Variants in TNS1 observed in about 807,000 individuals in gnomAD.
The protein encoded by TNS1 is tensin 1, also known as tensin-1.
A neutral mutation model predicts 168.6 loss-of-function variants in TNS1; 62 were observed. The observed-to-expected ratio is 0.37, with a 90% confidence interval of 0.30 to 0.45. The LOEUF (loss-of-function observed/expected upper bound fraction) is 0.45. Among genes scored for constraint, TNS1 ranks in the 20% least tolerant of loss-of-function variants. The pLI, the probability that TNS1 is intolerant of heterozygous loss-of-function variation, is 1.00. For synonymous variants in TNS1, 934 were observed against 933.2 expected, an observed-to-expected ratio of 1.00 and a Z score of -0.02; for missense variants, 2,240 against 2,339.4, an observed-to-expected ratio of 0.96 and a Z score of 0.88.
At chr2:217,879,183 G>A (rs374873004) in intron 18 of TNS1, 14 of 276,384 alleles carry the variant, frequency 5.1e-5, no homozygotes, top group Non-Finnish European at 9.3e-5. Flanking sequence ...CCTCCTCACC[G>A]TTAATTATTT....
At chr2:217,894,759 C>T (rs1952101285) in intron 9 of TNS1, among the ~76,000 whole-genome samples, 1 of 152,212 alleles carries the variant, frequency 6.6e-6, no homozygotes, top group South Asian at 2.1e-4. Context: ...CAACTCCAGC[C>T]TCACCCAAGT....
chr2:217,913,037 C>T (rs947636389), intron 4 of TNS1, among the ~76,000 whole-genome samples: 2 of 152,158 alleles, frequency 1.3e-5, no homozygotes, highest in African/African-American at 4.8e-5. Flanking sequence ...GTCTGCACCT[C>T]CCAGAGCCCT....
At position 217,946,969 on chromosome 2, in the gene TNS1, T is replaced by TCACACACACA. The variant is rs372012573; in HGVS notation, c.187-26743_187-26734dup. ...CTCTCTCTCTCTCTCTCTCTCTCTC[T>TCACACACACA]CACACACACACACACACACACACAC... On this transcript the variant is annotated intron_variant, in intron 3 of 32. Coordinates refer to ENST00000682258, the MANE Select transcript of TNS1 (RefSeq NM_001387777.1). Among the ~76,000 whole-genome samples the TCACACACACA allele has an allele frequency of 5.1e-4, 61 of 118,868 alleles. 1 individual carries two copies. Among genetic ancestry groups the TCACACACACA allele is most frequent in the African/African-American group, 2.3e-3 (56 of 24,576 alleles). The allele number at this position is 118,868 out of a possible 152,430, so 78.0% of individuals were successfully genotyped here.
chr2:217,830,522 A>G (rs1485215210), intron 22 of TNS1: 7 of 1,073,852 alleles, frequency 6.5e-6, no homozygotes, highest in Non-Finnish European at 9.5e-6. Context: ...TCCCTCCACC[A>G]TAAGAAGGAG....
chr2:217,891,640 G>C (rs575450373), intron 11 of TNS1, among the ~76,000 whole-genome samples: 1 of 152,326 alleles, frequency 6.6e-6, no homozygotes, highest in South Asian at 2.1e-4. Flanking sequence ...GAAATGAAAA[G>C]ATCACGAAGC....
chr2:217,919,780 G>C (rs1368778411), intron 4 of TNS1, among the ~76,000 whole-genome samples: 1 of 152,192 alleles, frequency 6.6e-6, no homozygotes, highest in Admixed American at 6.5e-5. Flanking sequence ...GTCGCCTGTA[G>C]GGAAAAACTG....
At chr2:217,897,672 AG>A (rs765814017) in intron 8 of TNS1, 125 bp downstream of exon 8, 9 of 1,048,538 alleles carry the variant, frequency 8.6e-6, no homozygotes, top group African/African-American at 1.6e-5. Flanking sequence ...GGGGAAAGGC[AG>A]ATAAACAAAG....
At chr2:217,851,934 A>G (rs1947555682) in intron 18 of TNS1, among the ~76,000 whole-genome samples, 1 of 152,140 alleles carries the variant, frequency 6.6e-6, no homozygotes, top group African/African-American at 2.4e-5. Flanking sequence ...ACCTGAGGTC[A>G]GGAGTTGAAG....
intron 1 of TNS1, among the ~76,000 whole-genome samples, chr2:218,020,661 C>T (rs1230310559): frequency 6.6e-6 from 1 of 152,190 alleles, no homozygotes; most frequent in Non-Finnish European, 1.5e-5. Flanking sequence ...AGCTGTCATC[C>T]CTGACCCTGG....
chr2:217,905,329 C>T (rs1413105098), intron 6 of TNS1: 2 of 436,000 alleles, frequency 4.6e-6, no homozygotes, highest in Non-Finnish European at 9.3e-6. Context: ...ATTTAAGAGG[C>T]ATGCTCCCTG....
chr2:217,949,762 A>G lies in TNS1; in HGVS notation c.186+29003T>C, dbSNP rs1347286481. On this transcript the variant is annotated intron_variant, in intron 3 of 32. Transcript: ENST00000682258. Reference sequence around the variant, plus strand: ...AACAAAAAAAAAAGAAAAGAAAAGAAAAAAGCACAGGAAAAGCTAAGATGC... The same window carrying G: ...AACAAAAAAAAAAGAAAAGAAAAGAGAAAAGCACAGGAAAAGCTAAGATGC... 3.3e-5 allele frequency among the ~76,000 whole-genome samples: 5 copies of G among 152,344 alleles called. No individual in the cohort carries two copies. The South Asian group carries it at 8.3e-4, about 25-fold the overall frequency.
At chr2:217,830,339 T>A in intron 22 of TNS1, 1 of 1,613,932 alleles carries the variant, frequency 6.2e-7, no homozygotes, top group South Asian at 1.1e-5. Context: ...GCTTCATGGG[T>A]CACAAATGCA....
intron 2 of TNS1, among the ~76,000 whole-genome samples, chr2:217,982,404 T>C (rs1256510783): frequency 5.3e-5 from 8 of 150,654 alleles, no homozygotes; most frequent in Admixed American, 3.3e-4. Flanking sequence ...TCTTTTCTTT[T>C]TTTTTTTTTT....
chr2:217,858,218 AC>A (rs1948392767), intron 18 of TNS1, among the ~76,000 whole-genome samples: 1 of 151,702 alleles, frequency 6.6e-6, no homozygotes, highest in Non-Finnish European at 1.5e-5. Flanking sequence ...CGGCCCCCCC[AC>A]CAACCCAGAT....
At chr2:217,866,893 T>A (rs1300517646) in intron 18 of TNS1, among the ~76,000 whole-genome samples, 1 of 152,146 alleles carries the variant, frequency 6.6e-6, no homozygotes, top group Non-Finnish European at 1.5e-5. Flanking sequence ...TCCTATTCCC[T>A]AGGTTCTCAA....
intron 1 of TNS1, among the ~76,000 whole-genome samples, chr2:218,019,621 T>C (rs1363820889): frequency 6.6e-6 from 1 of 152,180 alleles, no homozygotes; most frequent in Non-Finnish European, 1.5e-5. Context: ...ACTTCCTCCT[T>C]CTGCAAGGGG....
intron 21 of TNS1, among the ~76,000 whole-genome samples, chr2:217,833,912 A>G (rs1305492166): frequency 2.0e-5 from 3 of 152,246 alleles, no homozygotes; most frequent in Admixed American, 2.0e-4. Flanking sequence ...TAAATTTTAT[A>G]AGAGATTGTA....
chr2:217,917,958 C>A (rs1277087849), intron 4 of TNS1, among the ~76,000 whole-genome samples: 2 of 151,508 alleles, frequency 1.3e-5, no homozygotes, highest in East Asian at 3.9e-4. Context: ...CAAGAACCAG[C>A]AGGAAGGCCG....
intron 8 of TNS1, among the ~76,000 whole-genome samples, chr2:217,897,494 C>G (rs1004719146): frequency 7.9e-5 from 12 of 152,212 alleles, no homozygotes; most frequent in African/African-American, 2.4e-4. Context: ...CAGGGCCTGG[C>G]TAGTAGCAAG....
Sources: allele counts gnomAD v4.1 joint callset (sites outside exome capture counted in the v4.1 genomes callset), GRCh38; gene constraint gnomAD v4.1.1; transcripts MANE v1.5; gene names NCBI Gene and HGNC (gene_info 2026-07-23, HGNC 2026-07-21).